FAM120B: variants seen among roughly 807,000 people sequenced by gnomAD.
FAM120B encodes the protein family with sequence similarity 120 member B.
FAM120B carries 83 observed loss-of-function variants against 96.3 expected under a neutral mutation model. That is an observed-to-expected ratio of 0.86 (90% CI 0.72 to 1.03). FAM120B has a LOEUF of 1.03. Among genes scored for constraint, FAM120B ranks in the 50% least tolerant of loss-of-function variants. FAM120B has a pLI of 0.00. For synonymous variants in FAM120B, 407 were observed against 402.7 expected (o/e 1.01, Z -0.13); for missense variants, 1,027 against 1,121.2 (o/e 0.92, Z 1.20).
upstream of FAM120B, among the ~76,000 whole-genome samples, chr6:170,302,187 G>T (rs147665083): frequency 1.3e-5 from 2 of 152,174 alleles, no homozygotes; most frequent in African/African-American, 4.8e-5. Context: ...ACTTACAATC[G>T]TGTTGGAAGG....
intron 5 of FAM120B, among the ~76,000 whole-genome samples, chr6:170,357,905 A>T (rs1383925222): frequency 6.6e-6 from 1 of 152,216 alleles, no homozygotes; most frequent in Non-Finnish European, 1.5e-5. Context: ...TTCCACCTGC[A>T]TACTGTCTGC....
At chr6:170,401,898 C>T (rs1039634671) in intron 9 of FAM120B, among the ~76,000 whole-genome samples, 1 of 152,246 alleles carries the variant, frequency 6.6e-6, no homozygotes, top group African/African-American at 2.4e-5. Flanking sequence ...TAGTAAACAA[C>T]CCAGGGCTGC....
rs1261415742 is a variant in FAM120B at position 170,295,758 on chromosome 6, A to C, written c.48+305A>C. Among the ~76,000 whole-genome samples, 1 of 151,894 alleles carries C rather than the reference A, an allele frequency of 6.6e-6. No individual in the cohort carries two copies. The highest frequency in any genetic ancestry group is 1.9e-4 in the East Asian group (1 of 5,138). ...TGCAGAGAACAGGAAGACGGGCTCC[A>C]ACCCCACCTGGTTCGTGTCGGGGGG... is the stretch of plus-strand genomic sequence containing the variant. On this transcript the variant is annotated intron_variant, in intron 1 of 10. Coordinates refer to the FAM120B transcript ENST00000537664. The surrounding 1 kb of genome is among the most constrained non-coding windows in gnomAD (Gnocchi z 7.8).
At chr6:170,291,197 C>T, upstream of FAM120B, 2 of 609,026 alleles carry the variant, frequency 3.3e-6, no homozygotes. Context: ...CACTCATTTA[C>T]ATTCCTGCAA....
intron 1 of FAM120B, among the ~76,000 whole-genome samples, chr6:170,313,267 CTG>C (rs536530511): frequency 8.9e-4 from 135 of 152,266 alleles, no homozygotes; most frequent in African/African-American, 3.1e-3. Context: ...TCTCACCCAA[CTG>C]GTGTTTAAGA....
At chr6:170,297,645 C>G (rs1450051762) in intron 1 of FAM120B, among the ~76,000 whole-genome samples, 2 of 148,414 alleles carry the variant, frequency 1.3e-5, no homozygotes, top group Non-Finnish European at 3.0e-5. Flanking sequence ...TGGGTTATTG[C>G]AACCTCTAAT....
Position 170,399,754 on chromosome 6 carries a change from A to G in FAM120B, c.2692+4175A>G, listed in dbSNP as rs370674518. On this transcript the variant is annotated intron_variant, in intron 9 of 10. Transcript: ENST00000476287. Reference sequence around the variant, plus strand: ...ATGTCATAACTCTTAGGAGTGAGTGAGGAAGGTAGAACTATGTCATAACCC... The same window carrying G: ...ATGTCATAACTCTTAGGAGTGAGTGGGGAAGGTAGAACTATGTCATAACCC... 4.7e-5 allele frequency among the ~76,000 whole-genome samples: 7 copies of G among 148,146 alleles called. No individual in the cohort carries two copies. The South Asian group carries it at 6.5e-4, about 14-fold the overall frequency.
chr6:170,359,560 C>T (rs962864040), intron 6 of FAM120B, among the ~76,000 whole-genome samples: 1 of 152,080 alleles, frequency 6.6e-6, no homozygotes, highest in Non-Finnish European at 1.5e-5. Context: ...GGACCACAGG[C>T]ATGCACCACC....
rs115194758 is a variant in FAM120B, at chr6:170,329,711, T to C, written c.1916-738T>C. Among the ~76,000 whole-genome samples the C allele has an allele frequency of 1.3e-3, 196 of 152,310 alleles. 1 individual carries two copies. The highest frequency in any genetic ancestry group is 4.5e-3 in the African/African-American group (186 of 41,574). The stretch of plus-strand genomic sequence containing the variant: ...GAAATGCAGGTGGGGCTTCCTGGAC[T>C]GATACTCTCTTTCTTCATCTTTTGA... On this transcript the variant is annotated intron_variant, in intron 3 of 10. Coordinates refer to ENST00000476287, the MANE Select transcript of FAM120B (RefSeq NM_032448.3).
upstream of FAM120B, among the ~76,000 whole-genome samples, chr6:170,305,641 T>C (rs1382565179): frequency 6.6e-6 from 1 of 152,230 alleles, no homozygotes; most frequent in African/African-American, 2.4e-5. Context: ...GGTTTGGAGA[T>C]ACATCCTAAA....
At chr6:170,299,113 T>C (rs980698224) in intron 1 of FAM120B, among the ~76,000 whole-genome samples, 5 of 152,246 alleles carry the variant, frequency 3.3e-5, no homozygotes, top group African/African-American at 1.2e-4. Context: ...AGGATTGCTA[T>C]TTCCTCCTTA....
chr6:170,391,222 T>G (rs1008282601), intron 8 of FAM120B, 101 bp downstream of exon 8: 1 of 823,418 alleles, frequency 1.2e-6, no homozygotes, highest in Admixed American at 2.0e-5. Context: ...GCTGATATAA[T>G]TGGATGAACA....
chr6:170,299,145 G>A (rs1412874520), intron 1 of FAM120B, among the ~76,000 whole-genome samples: 1 of 152,232 alleles, frequency 6.6e-6, no homozygotes, highest in Non-Finnish European at 1.5e-5. Context: ...GAATTCACTA[G>A]TGAGGCTATT....
intron 8 of FAM120B, among the ~76,000 whole-genome samples, chr6:170,394,158 G>A (rs982118433): frequency 2.0e-5 from 3 of 152,176 alleles, no homozygotes; most frequent in Admixed American, 2.0e-4. Context: ...ATGACATCAC[G>A]GCAGGAAGGT....
intron 6 of FAM120B, among the ~76,000 whole-genome samples, chr6:170,359,785 T>C (rs1317721485): frequency 6.6e-6 from 1 of 152,206 alleles, no homozygotes; most frequent in African/African-American, 2.4e-5. Flanking sequence ...TCTCATAGCA[T>C]AGCAGTCCAA....
chr6:170,292,719 C>G (rs534252774), upstream of FAM120B, among the ~76,000 whole-genome samples: 4 of 152,232 alleles, frequency 2.6e-5, no homozygotes, highest in Non-Finnish European at 4.4e-5. This position sits in a 1 kb window ranked among gnomAD's most constrained non-coding sequence, Gnocchi z 6.6. Flanking sequence ...CCGGCTGCTA[C>G]GCAGCTGGAA....
chr6:170,300,900 C>CA (rs2114980163), intron 1 of FAM120B, among the ~76,000 whole-genome samples: 1 of 152,342 alleles, frequency 6.6e-6, no homozygotes, highest in African/African-American at 2.4e-5. Flanking sequence ...GTAAACCCCC[C>CA]CCTCCTGGCT....
upstream of FAM120B, among the ~76,000 whole-genome samples, chr6:170,302,727 C>T (rs893395840): frequency 1.3e-5 from 2 of 152,090 alleles, no homozygotes; most frequent in South Asian, 2.1e-4. Flanking sequence ...TTATGTAAAC[C>T]TCCATCCTAT....
intron 4 of FAM120B, among the ~76,000 whole-genome samples, chr6:170,347,911 G>A (rs1242929577): frequency 6.6e-6 from 1 of 152,110 alleles, no homozygotes; most frequent in African/African-American, 2.4e-5. Context: ...CGAAAGTGCA[G>A]TATCCCTCAA....
Sources: gnomAD v4.1 joint callset for allele counts (sites outside exome capture counted in the v4.1 genomes callset) on GRCh38, gnomAD v4.1.1 for gene constraint, Gnocchi (gnomAD v3.1) non-coding constraint, MANE v1.5 for transcripts, NCBI Gene and HGNC (gene_info 2026-07-23, HGNC 2026-07-21) for gene names.